The following ALDH1L1 variants were observed in gnomAD, a reference collection of about 807,000 sequenced individuals.
ALDH1L1 encodes the protein aldehyde dehydrogenase 1 family member L1.
ALDH1L1 carries 68 observed loss-of-function variants against 101.1 expected under a neutral mutation model. That is an observed-to-expected ratio of 0.67 (90% CI 0.55 to 0.82). The LOEUF is 0.82. Among genes scored for constraint, ALDH1L1 ranks in the 40% least tolerant of loss-of-function variants. The pLI is 0.00. For missense variants in ALDH1L1, 1,087 were observed against 1,172.7 expected, an observed-to-expected ratio of 0.93 and a Z score of 1.07; for synonymous variants, 486 against 470.8, an observed-to-expected ratio of 1.03 and a Z score of -0.42.
chr3:126,187,627 G>A (rs1466596723), intron 1 of ALDH1L1, among the ~76,000 whole-genome samples: 3 of 152,160 alleles, frequency 2.0e-5, no homozygotes, highest in Non-Finnish European at 2.9e-5. Context: ...CAAGAAGCAG[G>A]CACGGAGGAA....
At chr3:126,114,311 CAT>C (rs1236452872) in intron 18 of ALDH1L1, among the ~76,000 whole-genome samples, 1 of 152,154 alleles carries the variant, frequency 6.6e-6, no homozygotes, top group African/African-American at 2.4e-5. Flanking sequence ...CACACACACA[CAT>C]ATGTTATAGG....
intron 1 of ALDH1L1, among the ~76,000 whole-genome samples, chr3:126,195,279 C>T (rs2081575739): frequency 6.6e-6 from 1 of 152,044 alleles, no homozygotes; most frequent in Non-Finnish European, 1.5e-5. Flanking sequence ...GTTTTTATTT[C>T]CCAAAGATTA....
At chr3:126,155,324 C>T (rs973142683) in intron 5 of ALDH1L1, 78 bp downstream of exon 5, 1 of 1,333,304 alleles carries the variant, frequency 7.5e-7, no homozygotes, top group East Asian at 2.4e-5. Flanking sequence ...GGGCTGAACC[C>T]CAGCCTCCTC....
chr3:126,109,676 C>T (rs750454581), intron 20 of ALDH1L1, among the ~76,000 whole-genome samples: 1 of 152,012 alleles, frequency 6.6e-6, no homozygotes, highest in African/African-American at 2.4e-5. Context: ...GGGGGAGAGA[C>T]TGTCAAGGCT....
upstream of ALDH1L1, among the ~76,000 whole-genome samples, chr3:126,183,724 G>A (rs1027215079): frequency 1.2e-4 from 19 of 152,196 alleles, no homozygotes; most frequent in Non-Finnish European, 2.2e-4. Context: ...GTGCAGGGGG[G>A]AGGCGCAGTT....
intron 14 of ALDH1L1, among the ~76,000 whole-genome samples, chr3:126,128,224 A>G (rs1380051773): frequency 1.3e-5 from 2 of 152,186 alleles, no homozygotes; most frequent in African/African-American, 4.8e-5. Context: ...ACAAACATCC[A>G]AAAGAGCTGG....
intron 1 of ALDH1L1, among the ~76,000 whole-genome samples, chr3:126,189,786 G>A (rs1480326995): frequency 1.3e-5 from 2 of 152,180 alleles, no homozygotes; most frequent in African/African-American, 4.8e-5. Flanking sequence ...AAGGGCACAG[G>A]CCTCCAATAA....
chr3:126,135,633 G>T lies in ALDH1L1; in HGVS notation c.1374C>A (p.Val458=). The T allele has an allele frequency of 6.3e-7, 1 of 1,579,804 alleles. No homozygotes were observed. The highest frequency in any genetic ancestry group is 1.2e-5 in the South Asian group (1 of 86,324). Residue 458 remains valine, a synonymous_variant, in exon 12 of 23, where the codon GTC becomes GTA. Transcript: ENST00000393434. ...CGGCCACTGCCTTGTCGACGTCGGT[G>T]ACTTGGGCCAGGGATACCTGGCAGA... ...SVICQVSLAQ[V]TDVDKAVAAA... is the part of the protein sequence containing the mutation.
At chr3:126,150,984 T>A (rs539772858) in intron 7 of ALDH1L1, 1 of 169,574 alleles carries the variant, frequency 5.9e-6, no homozygotes, top group Non-Finnish European at 1.3e-5. Context: ...GCAGGGAGTC[T>A]CAGATTAGTG....
At chr3:126,139,943 CA>C (rs35680183) in intron 9 of ALDH1L1, among the ~76,000 whole-genome samples, 57,050 of 151,920 alleles carry the variant, frequency 0.38, 10,820 homozygotes, top group Middle Eastern at 0.48. Context: ...AACATACTCA[CA>C]GGAGCTCCAG....
At chr3:126,150,305 A>G in intron 8 of ALDH1L1, 101 bp downstream of exon 8, 2 of 1,468,134 alleles carry the variant, frequency 1.4e-6, no homozygotes, top group Non-Finnish European at 1.8e-6. Flanking sequence ...AGACACCCAC[A>G]GAGGGCTGGC....
intron 1 of ALDH1L1, among the ~76,000 whole-genome samples, chr3:126,191,345 G>T (rs1313102157): frequency 1.3e-5 from 2 of 152,226 alleles, no homozygotes; most frequent in African/African-American, 4.8e-5. Flanking sequence ...ACTGCTTTTA[G>T]TGGTGAGGAT....
intron 9 of ALDH1L1, among the ~76,000 whole-genome samples, chr3:126,144,258 GT>G (rs1188189769): frequency 5.3e-5 from 8 of 152,184 alleles, no homozygotes; most frequent in Admixed American, 5.2e-4. Flanking sequence ...GACTGGAGAA[GT>G]TAATATTGTT....
At chr3:126,151,138 T>C (rs572314612) in intron 7 of ALDH1L1, 1 of 152,260 alleles carries the variant, frequency 6.6e-6, no homozygotes, top group African/African-American at 2.4e-5. Flanking sequence ...TTATTACTTC[T>C]ATAAAAAAGG....
chr3:126,187,872 C>T (rs937434214), intron 1 of ALDH1L1, among the ~76,000 whole-genome samples: 5 of 146,130 alleles, frequency 3.4e-5, no homozygotes, highest in African/African-American at 1.3e-4. Context: ...ACGAGAGGTT[C>T]GGGTGACAAC....
Position 126,135,598 on chromosome 3 carries a change from T to G in ALDH1L1, c.1409A>C (p.Asp470Ala). 6.3e-7 allele frequency: 1 copy of G among 1,598,554 alleles called. No homozygotes were observed. The highest frequency in any genetic ancestry group is 1.1e-5 in the South Asian group (1 of 88,756). The change falls in exon 12 of 23, where the codon GAT becomes GCT. Residue 470 changes from aspartate (D) to alanine (A), a missense_variant. This residue lies in a region of ALDH1L1 where 645 missense variants were observed against 637.0 expected (regional missense o/e 1.01). Coordinates refer to ENST00000393434, the MANE Select transcript of ALDH1L1 (RefSeq NM_012190.4). ...DVDKAVAAAK[D>A]AFENGRWGKI... is the part of the protein sequence containing the mutation. ...CCCCCACCGTCCATTCTCAAAGGCA[T>G]CCTTGGCTGCGGCCACTGCCTTGTC...
intron 12 of ALDH1L1, among the ~76,000 whole-genome samples, chr3:126,132,765 A>G (rs1464219678): frequency 6.6e-6 from 1 of 151,654 alleles, no homozygotes; most frequent in Non-Finnish European, 1.5e-5. Context: ...TACAGTTTGT[A>G]ACAGACATTC....
intron 13 of ALDH1L1, among the ~76,000 whole-genome samples, chr3:126,130,678 C>A (rs571274675): frequency 1.3e-5 from 2 of 152,176 alleles, no homozygotes; most frequent in African/African-American, 2.4e-5. Flanking sequence ...GGAGTAGGGG[C>A]GGGCACCAGG....
At chr3:126,170,899 G>T (rs1159575078) in intron 1 of ALDH1L1, among the ~76,000 whole-genome samples, 1 of 152,124 alleles carries the variant, frequency 6.6e-6, no homozygotes, top group Non-Finnish European at 1.5e-5. Flanking sequence ...TTGGGTAACT[G>T]CCAAACTTCA....
Sources: gnomAD v4.1 joint callset for allele counts (sites outside exome capture counted in the v4.1 genomes callset) on GRCh38, gnomAD v4.1.1 for gene constraint, gnomAD v4.1.1 regional missense constraint, MANE v1.5 for transcripts, NCBI Gene and HGNC (gene_info 2026-07-23, HGNC 2026-07-21) for gene names.